Variants in SLC12A8 observed in about 807,000 individuals in gnomAD.
SLC12A8 encodes solute carrier family 12 member 8, also known as cation-chloride cotransporter 9.
In SLC12A8, 69 loss-of-function variants were observed where a neutral mutation model predicts 75.6. The ratio of observed to expected loss-of-function variants is 0.91; its 90% CI spans 0.75 to 1.11. The LOEUF (loss-of-function observed/expected upper bound fraction) is 1.11. Ranked by LOEUF, SLC12A8 falls within the 50% of genes most tolerant of loss-of-function variation. The pLI, the probability that SLC12A8 is intolerant of heterozygous loss-of-function variation, is 0.00. For missense variants in SLC12A8, 877 were observed against 896.7 expected (o/e 0.98, Z 0.28); for synonymous variants, 365 against 372.8 (o/e 0.98, Z 0.24).
intron 10 of SLC12A8, among the ~76,000 whole-genome samples, chr3:125,098,554 C>CACACA (rs1938776868): frequency 6.9e-6 from 1 of 143,920 alleles, no homozygotes; most frequent in East Asian, 2.0e-4. Flanking sequence ...TGAATCTTCT[C>CACACA]CACACACACA....
In SLC12A8 at chr3:125,107,751, G is replaced by C; in HGVS notation, c.1435C>G (p.Gln479Glu). 1 of 1,614,104 alleles carries C rather than the reference G, an allele frequency of 6.2e-7. No homozygotes were observed. The highest frequency in any genetic ancestry group is 8.5e-7 in the Non-Finnish European group (1 of 1,180,014). ...TCTGGGGTCCTGTTACCCTCTCCTTGCCTGGGCTGGCTACTCTCAAGCTTC... is the reference window on the plus strand; with the variant it reads ...TCTGGGGTCCTGTTACCCTCTCCTTCCCTGGGCTGGCTACTCTCAAGCTTC... ...TRKLESSQPR[Q>E]GEGNRTPESQ... The change falls in exon 10 of 14, where the codon CAA (glutamine) becomes GAA (glutamate). Residue 479 changes from glutamine (Q) to glutamate (E), a missense_variant. Physicochemically the swap from Gln to Glu is conservative, Grantham distance 29 (BLOSUM62 2). Transcript: ENST00000469902.
At chr3:125,100,874 G>A (rs1414531751) in intron 10 of SLC12A8, among the ~76,000 whole-genome samples, 7 of 148,532 alleles carry the variant, frequency 4.7e-5, no homozygotes, top group African/African-American at 1.2e-4. Flanking sequence ...TTAGCCGGGC[G>A]CGGTGGCGGG....
intron 5 of SLC12A8, among the ~76,000 whole-genome samples, chr3:125,167,931 A>T (rs1288473357): frequency 6.6e-6 from 1 of 152,210 alleles, no homozygotes; most frequent in Non-Finnish European, 1.5e-5. Flanking sequence ...ATGCAAACAG[A>T]ATGGGTTTGG....
At chr3:125,178,463 G>A (rs949379007) in intron 4 of SLC12A8, among the ~76,000 whole-genome samples, 4 of 152,002 alleles carry the variant, frequency 2.6e-5, no homozygotes, top group Non-Finnish European at 4.4e-5. Flanking sequence ...TGAGTGGCAC[G>A]TCTTTTTCAA....
At chr3:125,121,039 C>T (rs1933045925) in intron 6 of SLC12A8, 1 of 598,918 alleles carries the variant, frequency 1.7e-6, no homozygotes, top group Non-Finnish European at 2.9e-6. Context: ...CCTGGAGAGG[C>T]TCAGCATTAC....
At chr3:125,084,790 T>C (rs562606768) in intron 13 of SLC12A8, among the ~76,000 whole-genome samples, 23 of 152,346 alleles carry the variant, frequency 1.5e-4, no homozygotes, top group Admixed American at 2.0e-4. Context: ...AGAAGCCTCT[T>C]TACCTTCTTG....
chr3:125,199,625 A>T (rs1407781130), intron 2 of SLC12A8, among the ~76,000 whole-genome samples: 1 of 151,188 alleles, frequency 6.6e-6, no homozygotes, highest in Non-Finnish European at 1.5e-5. Flanking sequence ...ACATGCCTGT[A>T]GTCCCAGCTA....
intron 5 of SLC12A8, among the ~76,000 whole-genome samples, chr3:125,148,595 C>T (rs180752727): frequency 7.4e-4 from 112 of 152,192 alleles, no homozygotes; most frequent in Non-Finnish European, 1.1e-3. Context: ...CCTCAGGAGG[C>T]GGCACTCTCC....
chr3:125,111,709 A>C (rs1439027441), intron 8 of SLC12A8, among the ~76,000 whole-genome samples: 1 of 152,242 alleles, frequency 6.6e-6, no homozygotes, highest in Non-Finnish European at 1.5e-5. Context: ...AACACAAGCC[A>C]CTGGCTAGAC....
In SLC12A8 at chr3:125,211,389, A is replaced by T; in HGVS notation, c.-40T>A. The T allele has an allele frequency of 6.4e-7, 1 of 1,567,922 alleles. No homozygotes were observed. Among genetic ancestry groups the T allele is most frequent in the Non-Finnish European group, 8.8e-7 (1 of 1,138,478 alleles). On this transcript the variant is annotated 5_prime_UTR_variant, in exon 2 of 14. Transcript: ENST00000469902. ...GGATCCTGGTGATCTGGACAGGGAGACTGCTCTGGAAGGTAACAGCATCCT... is the reference window on the plus strand; with the variant it reads ...GGATCCTGGTGATCTGGACAGGGAGTCTGCTCTGGAAGGTAACAGCATCCT...
At chr3:125,108,375 T>C (rs942567203) in intron 9 of SLC12A8, among the ~76,000 whole-genome samples, 1 of 152,104 alleles carries the variant, frequency 6.6e-6, no homozygotes, top group African/African-American at 2.4e-5. Context: ...TTTTTTTTTT[T>C]TTTCTTTTTT....
rs779914272 is a variant in SLC12A8, at chr3:125,107,716, C to A, written c.1470G>T (p.Lys490Asn). 1 of 1,614,158 alleles carries A rather than the reference C, an allele frequency of 6.2e-7. No individual in the cohort carries two copies. Among genetic ancestry groups the A allele is most frequent in the East Asian group, 2.2e-5 (1 of 44,880 alleles). The change falls in exon 10 of 14, where the codon AAG (lysine) becomes AAT (asparagine). Residue 490 changes from lysine (K) to asparagine (N), a missense_variant. Lys to Asn is a moderately conservative substitution (Grantham distance 94). Coordinates refer to ENST00000469902, the MANE Select transcript of SLC12A8 (RefSeq NM_024628.6). ...GCTTGGTGGCCTTCTTGCTTTTCCT[C>A]TTCTGACTTTCTGGGGTCCTGTTAC... ...GEGNRTPESQ[K>N]RKSKKATKQT...
At chr3:125,187,966 C>T (rs532171858) in intron 3 of SLC12A8, among the ~76,000 whole-genome samples, 2 of 152,246 alleles carry the variant, frequency 1.3e-5, no homozygotes, top group Middle Eastern at 6.8e-3. Context: ...TGTTTCCAAG[C>T]CAGTTTTGAC....
At chr3:125,087,198 G>C (rs1374331866) in intron 13 of SLC12A8, among the ~76,000 whole-genome samples, 1 of 150,556 alleles carries the variant, frequency 6.6e-6, no homozygotes, top group African/African-American at 2.5e-5. Flanking sequence ...GGGTTCAAGC[G>C]ATTCTCCTGC....
At chr3:125,199,075 G>T (rs1226119705) in intron 2 of SLC12A8, among the ~76,000 whole-genome samples, 3 of 152,130 alleles carry the variant, frequency 2.0e-5, no homozygotes, top group Admixed American at 6.5e-5. Flanking sequence ...ACCATGCCCG[G>T]CTGACAATAG....
chr3:125,207,278 C>A (rs939726860), intron 2 of SLC12A8, among the ~76,000 whole-genome samples: 1 of 152,202 alleles, frequency 6.6e-6, no homozygotes, highest in Admixed American at 6.5e-5. Context: ...ACTAGTGCTA[C>A]ACTTCAAGTC....
intron 2 of SLC12A8, among the ~76,000 whole-genome samples, chr3:125,202,926 A>G (rs780707953): frequency 2.0e-5 from 3 of 151,976 alleles, no homozygotes; most frequent in Non-Finnish European, 4.4e-5. Flanking sequence ...CGTCTCTACT[A>G]AAAACACAAA....
At position 125,201,804 on chromosome 3, in the gene SLC12A8, T is replaced by A. The variant is rs534940881; in HGVS notation, c.51+9495A>T. On this transcript the variant is annotated intron_variant, in intron 2 of 13. Transcript: ENST00000469902. ...CCACCCTTTGATTAAGGTGTTAAAATTCAGAAAGAAAAAATTTAGGAATTA... is the reference window on the plus strand; with the variant it reads ...CCACCCTTTGATTAAGGTGTTAAAAATCAGAAAGAAAAAATTTAGGAATTA... Among the ~76,000 whole-genome samples, 113 of 152,076 alleles carry A rather than the reference T, an allele frequency of 7.4e-4. 1 individual carries two copies. Among genetic ancestry groups the A allele is most frequent in the Non-Finnish European group, 1.3e-3 (86 of 67,988 alleles).
chr3:125,211,401 G>T lies in SLC12A8; in HGVS notation c.-45-7C>A. On this transcript the variant is annotated splice_region_variant and splice_polypyrimidine_tract_variant and intron_variant, in intron 1 of 13. Transcript: ENST00000469902. ...TCTGGACAGGGAGACTGCTCTGGAA[G>T]GTAACAGCATCCTTGGTCAGGCTGG... 6.8e-7 allele frequency: 1 copy of T among 1,469,092 alleles called. No individual in the cohort carries two copies. The highest frequency in any genetic ancestry group is 9.5e-7 in the Non-Finnish European group (1 of 1,048,328). 91.0% of individuals were successfully genotyped at this position (1,469,092 alleles called of 1,614,324 possible).
Sources: allele counts gnomAD v4.1 joint callset (sites outside exome capture counted in the v4.1 genomes callset), GRCh38; gene constraint gnomAD v4.1.1; transcripts MANE v1.5; gene names NCBI Gene and HGNC (gene_info 2026-07-23, HGNC 2026-07-21).